Variants in RARB observed in about 807,000 individuals in gnomAD.
RARB encodes the protein HBV-activated protein.
In RARB, 17 loss-of-function variants were observed where a neutral mutation model predicts 51.9. The ratio of observed to expected loss-of-function variants is 0.33; its 90% CI spans 0.22 to 0.49. The LOEUF (loss-of-function observed/expected upper bound fraction) is 0.49. Ranked by LOEUF, RARB falls within the 20% of genes least tolerant of loss-of-function variation. The probability of loss-of-function intolerance (pLI) is 0.99; values close to 1 mark genes in which losing one functional copy is unlikely to be tolerated. For missense variants in RARB, 369 were observed against 550.8 expected, an observed-to-expected ratio of 0.67 and a Z score of 3.30; for synonymous variants, 215 against 195.4, an observed-to-expected ratio of 1.10 and a Z score of -0.84.
intron 2 of RARB, among the ~76,000 whole-genome samples, chr3:25,001,688 C>T (rs189365368): frequency 1.3e-5 from 2 of 152,164 alleles, no homozygotes; most frequent in African/African-American, 2.4e-5. Flanking sequence ...ATCTAACATG[C>T]GAAATGTTGA....
At chr3:25,015,758 G>C (rs757490135) in intron 2 of RARB, among the ~76,000 whole-genome samples, 3 of 152,156 alleles carry the variant, frequency 2.0e-5, no homozygotes, top group Non-Finnish European at 4.4e-5. Flanking sequence ...AGTGCTTTTA[G>C]ACTATATGCA....
chr3:25,405,491 C>G lies in RARB; in HGVS notation c.179-55702C>G, dbSNP rs73141615. ...AAATACAAACTTACTTAAGAGAACT[C>G]CTCTGCTCTCACCTGGCTTGTTATG... On this transcript the variant is annotated intron_variant, in intron 5 of 11. Transcript: ENST00000383772. Among the ~76,000 whole-genome samples the G allele has an allele frequency of 5.6e-3, 853 of 152,286 alleles. 8 individuals are homozygous for G. The highest frequency in any genetic ancestry group is 0.019 in the African/African-American group (807 of 41,546).
chr3:24,883,356 T>TTTTGTG (rs3221508), intron 2 of RARB, among the ~76,000 whole-genome samples: 2 of 143,672 alleles, frequency 1.4e-5, no homozygotes, highest in African/African-American at 5.1e-5. Context: ...TCAACAATCA[T>TTTTGTG]TGTGTGTGTG....
intron 2 of RARB, among the ~76,000 whole-genome samples, chr3:24,983,256 C>T (rs1013602729): frequency 1.3e-5 from 2 of 151,966 alleles, no homozygotes; most frequent in Non-Finnish European, 2.9e-5. Context: ...TTACATACTA[C>T]AATACATTTT....
intron 5 of RARB, among the ~76,000 whole-genome samples, chr3:25,263,171 G>A (rs997774534): frequency 1.3e-5 from 2 of 152,040 alleles, no homozygotes; most frequent in African/African-American, 4.8e-5. Context: ...AAGTTGCACT[G>A]GTCTGCTTGC....
intron 3 of RARB, among the ~76,000 whole-genome samples, chr3:25,527,592 A>G (rs896730551): frequency 2.0e-5 from 3 of 152,226 alleles, no homozygotes; most frequent in Admixed American, 2.0e-4. Context: ...ATGTTCATAC[A>G]TGCTTGTACA....
chr3:25,137,943 A>G (rs565950313), intron 4 of RARB, among the ~76,000 whole-genome samples: 3 of 152,260 alleles, frequency 2.0e-5, no homozygotes, highest in South Asian at 2.1e-4. Context: ...TGAAATAGCC[A>G]TTGTCTACAC....
At position 25,597,592 on chromosome 3, in the gene RARB, A is replaced by AT. The variant is rs140956529; in HGVS notation, c.*985dup. 3,024 of 151,992 alleles carry AT rather than the reference A, an allele frequency of 0.02. 92 individuals are homozygous for AT. The highest frequency in any genetic ancestry group is 0.063 in the African/African-American group (2,615 of 41,312). 9.4% of individuals were successfully genotyped at this position (151,992 alleles called of 1,614,324 possible). ...TTCCTGATTCATGCCTGATATTGGG[A>AT]TTTTTTTTTCCAGCCTTCTTGATGC... On this transcript the variant is annotated 3_prime_UTR_variant, in exon 8 of 8. Transcript: ENST00000330688.
In RARB at chr3:24,831,368, G is replaced by T. The variant is rs56052954; in HGVS notation, c.-459+1965G>T. 6.3e-4 allele frequency among the ~76,000 whole-genome samples: 96 copies of T among 152,298 alleles called. 1 individual carries two copies. Among genetic ancestry groups the T allele is most frequent in the Non-Finnish European group, 1.1e-3 (78 of 68,020 alleles). On this transcript the variant is annotated intron_variant, in intron 1 of 11. Coordinates refer to the RARB transcript ENST00000383772. ...ACGCCATTAACGATTGTAATTTAAC[G>T]TTAATGTCCTGGTATTTTATTCCTT...
intron 2 of RARB, among the ~76,000 whole-genome samples, chr3:25,049,305 C>T (rs1000510420): frequency 3.3e-5 from 5 of 152,318 alleles, no homozygotes; most frequent in African/African-American, 1.2e-4. Flanking sequence ...AGAAATTTGT[C>T]TTCTGCTCCT....
At chr3:25,218,004 T>C (rs533040748) in intron 5 of RARB, among the ~76,000 whole-genome samples, 1 of 152,222 alleles carries the variant, frequency 6.6e-6, no homozygotes, top group Admixed American at 6.5e-5. Flanking sequence ...CTCTACTCTT[T>C]TTTGTTTTCA....
intron 5 of RARB, among the ~76,000 whole-genome samples, chr3:25,245,599 A>T (rs966668102): frequency 1.3e-5 from 2 of 152,072 alleles, no homozygotes; most frequent in Non-Finnish European, 2.9e-5. Flanking sequence ...TGGATTGAAA[A>T]TTTTTTTATT....
chr3:25,102,559 A>G (rs767511507), intron 3 of RARB, among the ~76,000 whole-genome samples: 2 of 152,084 alleles, frequency 1.3e-5, no homozygotes, highest in Non-Finnish European at 2.9e-5. Context: ...TGAAAATAGA[A>G]ATAAATATAT....
At chr3:25,225,787 G>T (rs1702043341) in intron 5 of RARB, among the ~76,000 whole-genome samples, 1 of 152,078 alleles carries the variant, frequency 6.6e-6, no homozygotes, top group South Asian at 2.1e-4. Flanking sequence ...TCAATCAATA[G>T]GTTATTTTAA....
chr3:25,509,103 T>G (rs1024939312), intron 3 of RARB, among the ~76,000 whole-genome samples: 1 of 152,090 alleles, frequency 6.6e-6, no homozygotes, highest in Non-Finnish European at 1.5e-5. Context: ...CATTACACAA[T>G]AGAACAGCAC....
intron 2 of RARB, among the ~76,000 whole-genome samples, chr3:25,051,549 A>G (rs1167847060): frequency 1.3e-5 from 2 of 151,452 alleles, no homozygotes; most frequent in African/African-American, 4.8e-5. Context: ...AAAAAGTTTT[A>G]TTGTTAATAG....
chr3:24,830,050 T>G (rs1030450726), intron 1 of RARB, among the ~76,000 whole-genome samples: 4 of 151,574 alleles, frequency 2.6e-5, no homozygotes, highest in South Asian at 4.2e-4. Context: ...ATGGCAGGAG[T>G]TGGAGAAGAG....
intron 3 of RARB, among the ~76,000 whole-genome samples, chr3:25,100,918 C>A (rs766294607): frequency 3.3e-5 from 5 of 152,170 alleles, no homozygotes; most frequent in Non-Finnish European, 5.9e-5. Context: ...TCTTAGACTC[C>A]TGTTGGCTCT....
intron 1 of RARB, among the ~76,000 whole-genome samples, chr3:24,832,008 CTTAAG>C (rs992113892): frequency 1.3e-5 from 2 of 152,170 alleles, no homozygotes; most frequent in African/African-American, 4.8e-5. Context: ...TCAGCAGAAA[CTTAAG>C]TTATTAACAT....
Sources: gnomAD v4.1 joint callset for allele counts (sites outside exome capture counted in the v4.1 genomes callset) on GRCh38, gnomAD v4.1.1 for gene constraint, MANE v1.5 for transcripts, NCBI Gene and HGNC (gene_info 2026-07-23, HGNC 2026-07-21) for gene names.